EYA2: variants seen among roughly 807,000 people sequenced by gnomAD.
EYA2 encodes EYA transcriptional coactivator and phosphatase 2.
Under a neutral mutation model 69.2 loss-of-function variants are expected in EYA2, and 31 were observed. The ratio of observed to expected loss-of-function variants is 0.45; its 90% CI spans 0.34 to 0.60. The LOEUF (loss-of-function observed/expected upper bound fraction) is 0.60, where lower values mean the gene tolerates loss of function less well. EYA2 is among the 20% of genes least tolerant of loss of function. The pLI is 0.02. For missense variants in EYA2, 622 were observed against 701.2 expected (o/e 0.89, Z 1.28); for synonymous variants, 257 against 279.4 (o/e 0.92, Z 0.80).
intron 9 of EYA2, among the ~76,000 whole-genome samples, chr20:47,135,816 TACAAAAAAAAAAAAAAAAAAAAAAACAA>T (rs1467809716): frequency 7.9e-5 from 2 of 25,182 alleles, no homozygotes; most frequent in East Asian, 1.6e-3. Context: ...ACCCTGTCTC[TACAAAAAAAAAAAAAAAAAAAAAAACAA>T]ACAAACAAAC....
At chr20:47,163,558 C>CGTGG in intron 10 of EYA2, among the ~76,000 whole-genome samples, 1 of 151,792 alleles carries the variant, frequency 6.6e-6, no homozygotes, top group Middle Eastern at 3.4e-3. Flanking sequence ...ATTAGCTGGG[C>CGTGG]GTGGTGGTGC....
At chr20:47,003,560 G>C (rs779858582) in intron 3 of EYA2, among the ~76,000 whole-genome samples, 33 of 152,244 alleles carry the variant, frequency 2.2e-4, no homozygotes, top group Admixed American at 1.6e-3. Flanking sequence ...GTGCATGCCT[G>C]CATGTGTGTG....
intron 1 of EYA2, among the ~76,000 whole-genome samples, chr20:46,975,569 A>T (rs772058767): frequency 2.0e-5 from 3 of 152,202 alleles, no homozygotes; most frequent in Non-Finnish European, 4.4e-5. Context: ...AGGGACAGCA[A>T]AATTGGGTTG....
intron 4 of EYA2, among the ~76,000 whole-genome samples, chr20:47,011,015 C>T (rs1347035096): frequency 6.6e-6 from 1 of 152,072 alleles, no homozygotes; most frequent in African/African-American, 2.4e-5. Context: ...TCTTGAACTC[C>T]TGGCCTCAAA....
intron 2 of EYA2, among the ~76,000 whole-genome samples, chr20:46,993,061 G>GC (rs1857506383): frequency 6.6e-6 from 1 of 152,102 alleles, no homozygotes; most frequent in South Asian, 2.1e-4. Context: ...GAGCCAAGAA[G>GC]CCCCCCAGTG....
intron 1 of EYA2, among the ~76,000 whole-genome samples, chr20:46,949,741 GTTA>G: frequency 6.6e-6 from 1 of 152,222 alleles, no homozygotes; most frequent in Admixed American, 6.5e-5. Flanking sequence ...TTATGTAGCT[GTTA>G]GGTTGGTATG....
At chr20:47,180,040 T>A (rs6066225) in intron 13 of EYA2, 128 bp downstream of exon 13, 245,444 of 578,734 alleles carry the variant, frequency 0.42, 45,962 homozygotes, top group Non-Finnish European at 0.46. Flanking sequence ...TTCCAAATAT[T>A]TTTTTTTTTT....
chr20:46,914,400 C>T (rs1454072830), intron 1 of EYA2, among the ~76,000 whole-genome samples: 1 of 152,186 alleles, frequency 6.6e-6, no homozygotes, highest in Non-Finnish European at 1.5e-5. Context: ...TTACTCCATT[C>T]TCACACTGCC....
chr20:47,130,252 G>GTTTAT (rs2033304313), intron 9 of EYA2, among the ~76,000 whole-genome samples: 1 of 93,624 alleles, frequency 1.1e-5, no homozygotes, highest in African/African-American at 5.2e-5. Context: ...ATAAAAGAAG[G>GTTTAT]TTTATTTTCT....
chr20:47,151,426 GACTCTTTTTCTCCT>G (rs2033821074), intron 10 of EYA2, among the ~76,000 whole-genome samples: 1 of 150,550 alleles, frequency 6.6e-6, no homozygotes, highest in Admixed American at 6.6e-5. Flanking sequence ...TGCCTCTCCA[GACTCTTTTTCTCCT>G]ACTCTTTTCA....
At chr20:46,953,811 T>C (rs1568684799) in intron 1 of EYA2, among the ~76,000 whole-genome samples, 2 of 152,218 alleles carry the variant, frequency 1.3e-5, no homozygotes, top group Non-Finnish European at 2.9e-5. Context: ...TTTCCAACTT[T>C]CCTTGAATAG....
chr20:46,974,884 G>T (rs1489147413), intron 1 of EYA2, among the ~76,000 whole-genome samples: 1 of 152,182 alleles, frequency 6.6e-6, no homozygotes, highest in African/African-American at 2.4e-5. Flanking sequence ...CACGTTGGGT[G>T]CCTTTTTGAA....
intron 1 of EYA2, among the ~76,000 whole-genome samples, chr20:46,968,597 A>G (rs1400503322): frequency 1.3e-5 from 2 of 151,972 alleles, no homozygotes; most frequent in Non-Finnish European, 2.9e-5. Flanking sequence ...CAGGTTTCTC[A>G]TGCTCAGCAC....
chr20:47,140,777 T>G lies in EYA2; in HGVS notation c.889-2282T>G, dbSNP rs547877852. On this transcript the variant is annotated intron_variant, in intron 9 of 15. Transcript: ENST00000327619. ...AGAGTACCTGAGGCTGGATAATTTA[T>G]AAAGAAAAGGGGTTTATTTGACTTA... Among the ~76,000 whole-genome samples the G allele has an allele frequency of 2.6e-5, 4 of 152,344 alleles. No individual in the cohort carries two copies. The East Asian group carries it at 7.7e-4, about 29-fold the overall frequency.
In EYA2 at chr20:46,948,698, CAAAAT is replaced by C. The variant is rs1222576891; in HGVS notation, c.-10-41294_-10-41290del. Among the ~76,000 whole-genome samples the C allele has an allele frequency of 3.3e-5, 5 of 152,202 alleles. No homozygotes were observed. The East Asian group carries it at 7.7e-4, about 23-fold the overall frequency. On this transcript the variant is annotated intron_variant, in intron 1 of 15. Transcript: ENST00000327619. ...TCTCGTAAGGTTGCCTGGAAAAAAACAAAATAAAATAAAGCTGCACACATTATTGT... is the reference window on the plus strand; with the variant it reads ...TCTCGTAAGGTTGCCTGGAAAAAAACAAAATAAAGCTGCACACATTATTGT...
At chr20:47,179,642 C>A (rs2034499669) in intron 12 of EYA2, among the ~76,000 whole-genome samples, 156 bp from the exon 13 acceptor site, 1 of 152,108 alleles carries the variant, frequency 6.6e-6, no homozygotes, top group African/African-American at 2.4e-5. Flanking sequence ...CTGTTGATCT[C>A]AGGATAAGAT....
intron 2 of EYA2, among the ~76,000 whole-genome samples, chr20:47,000,945 G>A (rs1030790645): frequency 2.0e-5 from 3 of 152,174 alleles, no homozygotes; most frequent in Non-Finnish European, 4.4e-5. Flanking sequence ...GAGGTTGGAT[G>A]AGCAAAGCCA....
chr20:47,120,787 C>T (rs187810719), intron 9 of EYA2, among the ~76,000 whole-genome samples: 42 of 151,346 alleles, frequency 2.8e-4, no homozygotes, highest in African/African-American at 8.0e-4. Flanking sequence ...GGAACGCACA[C>T]GGTCTGGAGA....
intron 9 of EYA2, among the ~76,000 whole-genome samples, chr20:47,125,054 T>G (rs1488979256): frequency 7.9e-6 from 1 of 126,952 alleles, no homozygotes; most frequent in Non-Finnish European, 1.6e-5. Context: ...TAAGTTTTTT[T>G]TTTTTTTTTT....
Sources: allele counts gnomAD v4.1 joint callset (sites outside exome capture counted in the v4.1 genomes callset), GRCh38; gene constraint gnomAD v4.1.1; transcripts MANE v1.5; gene names NCBI Gene and HGNC (gene_info 2026-07-23, HGNC 2026-07-21).